TAFA1: variants seen among roughly 807,000 people sequenced by gnomAD.
The protein encoded by TAFA1 is TAFA chemokine like family member 1, also known as chemokine-like protein TAFA-1.
A neutral mutation model predicts 18.5 loss-of-function variants in TAFA1; 4 were observed. The ratio of observed to expected loss-of-function variants is 0.22; its 90% CI spans 0.11 to 0.49. The LOEUF (loss-of-function observed/expected upper bound fraction) is 0.49. Ranked by LOEUF, TAFA1 falls within the 20% of genes least tolerant of loss-of-function variation. TAFA1 has a pLI of 0.98. For synonymous variants in TAFA1, 56 were observed against 55.2 expected, an observed-to-expected ratio of 1.01 and a Z score of -0.06; for missense variants, 147 against 169.0, an observed-to-expected ratio of 0.87 and a Z score of 0.72.
intron 2 of TAFA1, among the ~76,000 whole-genome samples, chr3:68,203,857 C>G (rs1379038011): frequency 1.3e-5 from 2 of 151,612 alleles, no homozygotes; most frequent in African/African-American, 2.4e-5. Flanking sequence ...GCTTTTCTCC[C>G]TCTCCTGGTT....
At chr3:68,179,621 A>G (rs1441082963) in intron 2 of TAFA1, among the ~76,000 whole-genome samples, 2 of 152,126 alleles carry the variant, frequency 1.3e-5, no homozygotes, top group East Asian at 1.9e-4. Flanking sequence ...CTTGTTTGCA[A>G]CTCCAGCCCT....
intron 2 of TAFA1, among the ~76,000 whole-genome samples, chr3:68,267,846 TA>T (rs1380348345): frequency 6.6e-6 from 1 of 152,130 alleles, no homozygotes; most frequent in South Asian, 2.1e-4. Context: ...TTCAAATAGG[TA>T]GTCCACAATG....
At chr3:68,228,256 G>C (rs1019878100) in intron 2 of TAFA1, among the ~76,000 whole-genome samples, 6 of 151,946 alleles carry the variant, frequency 3.9e-5, no homozygotes, top group Non-Finnish European at 8.8e-5. Context: ...TTATTAATTT[G>C]TTTTAGAGAT....
intron 2 of TAFA1, among the ~76,000 whole-genome samples, chr3:68,134,120 G>A (rs915698275): frequency 1.1e-4 from 16 of 150,304 alleles, no homozygotes; most frequent in Non-Finnish European, 1.2e-4. Flanking sequence ...ATTCATTGGA[G>A]TCGTTGGCTA....
chr3:68,026,306 C>T (rs1318009432), intron 2 of TAFA1, among the ~76,000 whole-genome samples: 3 of 151,916 alleles, frequency 2.0e-5, no homozygotes, highest in Non-Finnish European at 4.4e-5. Context: ...AGATCTTTTG[C>T]TGCTAAGGCT....
chr3:68,074,140 T>A (rs1353510112), intron 2 of TAFA1, among the ~76,000 whole-genome samples: 4 of 152,140 alleles, frequency 2.6e-5, no homozygotes, highest in African/African-American at 9.7e-5. Flanking sequence ...ACAATCTAGA[T>A]CTCACACCTA....
chr3:68,215,747 C>T (rs141211583), intron 2 of TAFA1, among the ~76,000 whole-genome samples: 5 of 152,122 alleles, frequency 3.3e-5, no homozygotes, highest in Admixed American at 6.6e-5. Flanking sequence ...GAAGACAGTT[C>T]GGCAGTTTCT....
upstream of TAFA1, among the ~76,000 whole-genome samples, chr3:68,003,864 T>C (rs976625546): frequency 4.6e-5 from 7 of 152,196 alleles, no homozygotes; most frequent in Admixed American, 1.3e-4. Flanking sequence ...TCTAGTCTAT[T>C]TAACTGCTGA....
chr3:68,326,065 T>C (rs950521814), intron 2 of TAFA1, among the ~76,000 whole-genome samples: 2 of 152,188 alleles, frequency 1.3e-5, no homozygotes, highest in African/African-American at 4.8e-5. Context: ...TGTCTGAGAA[T>C]TCAAACAAAT....
At chr3:68,415,107 C>G (rs570555699) in intron 2 of TAFA1, among the ~76,000 whole-genome samples, 1 of 152,310 alleles carries the variant, frequency 6.6e-6, no homozygotes, top group East Asian at 1.9e-4. Context: ...TAGTAAGGCA[C>G]TCTTCCATGA....
intron 2 of TAFA1, among the ~76,000 whole-genome samples, chr3:68,054,013 C>G (rs906810587): frequency 2.6e-5 from 4 of 152,160 alleles, no homozygotes; most frequent in Admixed American, 1.3e-4. Flanking sequence ...CCTACTTTTA[C>G]ATTTTAAAAA....
At chr3:68,226,386 T>A (rs1402812883) in intron 2 of TAFA1, among the ~76,000 whole-genome samples, 1 of 152,196 alleles carries the variant, frequency 6.6e-6, no homozygotes, top group Non-Finnish European at 1.5e-5. Context: ...CTCTCATGTT[T>A]CTTAGGGACA....
chr3:68,045,514 C>T (rs540298384), intron 2 of TAFA1, among the ~76,000 whole-genome samples: 11 of 152,160 alleles, frequency 7.2e-5, no homozygotes, highest in Admixed American at 2.6e-4. Context: ...ACAAATTGTG[C>T]GGCCTTGGGA....
chr3:68,441,945 T>C (rs983824698), intron 3 of TAFA1, among the ~76,000 whole-genome samples: 3 of 152,184 alleles, frequency 2.0e-5, no homozygotes, highest in African/African-American at 7.2e-5. Flanking sequence ...CTGTGCACTT[T>C]ACATGGAAGG....
At chr3:68,485,080 C>T (rs547243133) in intron 3 of TAFA1, among the ~76,000 whole-genome samples, 27 of 152,272 alleles carry the variant, frequency 1.8e-4, no homozygotes, top group African/African-American at 4.6e-4. Flanking sequence ...CACAAAGTAG[C>T]AATGAAAAGG....
At chr3:68,105,118 T>C (rs889143123) in intron 2 of TAFA1, among the ~76,000 whole-genome samples, 2 of 152,014 alleles carry the variant, frequency 1.3e-5, no homozygotes, top group African/African-American at 4.8e-5. Context: ...CTCATGTGAA[T>C]CTTCATAGGA....
intron 2 of TAFA1, among the ~76,000 whole-genome samples, chr3:68,219,396 T>C (rs1366405182): frequency 6.6e-6 from 1 of 152,162 alleles, no homozygotes; most frequent in Non-Finnish European, 1.5e-5. Flanking sequence ...TCACAGTGCT[T>C]AAAAAGTCAT....
intron 3 of TAFA1, among the ~76,000 whole-genome samples, chr3:68,471,348 A>C (rs13097849): frequency 0.21 from 32,070 of 152,094 alleles, 3,571 homozygotes; most frequent in African/African-American, 0.25. Context: ...AGAAGAGGGC[A>C]AACCATCCTT....
intron 3 of TAFA1, among the ~76,000 whole-genome samples, chr3:68,473,338 T>C (rs1005118476): frequency 5.9e-5 from 9 of 152,154 alleles, no homozygotes. Context: ...GGTATGATGA[T>C]TGATTACAGT....
Sources: gnomAD v4.1 joint callset for allele counts (sites outside exome capture counted in the v4.1 genomes callset) on GRCh38, gnomAD v4.1.1 for gene constraint, MANE v1.5 for transcripts, NCBI Gene and HGNC (gene_info 2026-07-23, HGNC 2026-07-21) for gene names.